ZNF211: variants seen among roughly 807,000 people sequenced by gnomAD.
ZNF211 encodes zinc finger protein 211, also known as zinc finger protein C2H2-25.
A neutral mutation model predicts 12.1 loss-of-function variants in ZNF211; 18 were observed. The ratio of observed to expected loss-of-function variants is 1.48; its 90% confidence interval spans 1.03 to 2.20. The LOEUF is 2.20. ZNF211 is among the 30% of genes most tolerant of loss of function. The probability of loss-of-function intolerance (pLI) is 0.00; values close to 1 mark genes in which losing one functional copy is unlikely to be tolerated. For missense variants in ZNF211, 677 were observed against 703.1 expected, an observed-to-expected ratio of 0.96 and a Z score of 0.42; for synonymous variants, 249 against 246.0, an observed-to-expected ratio of 1.01 and a Z score of -0.11.
chr19:57,639,777 C>A, intron 3 of ZNF211: 1 of 973,400 alleles, frequency 1.0e-6, no homozygotes, highest in Non-Finnish European at 1.5e-6. Context: ...ATGGGGATTA[C>A]ATTTAACATC....
chr19:57,640,852 T>G lies in ZNF211; in HGVS notation c.405T>G (p.Ile135Met). The change falls in exon 4 of 4, where the codon ATT (isoleucine) becomes ATG (methionine). Residue 135 changes from isoleucine (I) to methionine (M), a missense_variant. By Grantham distance (10) the Ile-to-Met change is conservative. Transcript: ENST00000240731. Reference protein sequence around the residue: ...CEICCLVLRDILHLAEHQGTN... With the variant: ...CEICCLVLRDMLHLAEHQGTN... ...TATGTTGCCTGGTCTTGAGAGATAT[T>G]TTGCACTTGGCTGAACACCAAGGAA... 1.2e-6 allele frequency: 2 copies of G among 1,614,206 alleles called. No homozygotes were observed. Among genetic ancestry groups the G allele is most frequent in the Non-Finnish European group, 1.7e-6 (2 of 1,180,034 alleles).
At position 57,642,304 on chromosome 19, in the gene ZNF211, T is replaced by G. The variant is rs1286653784; in HGVS notation, c.*123T>G. The G allele has an allele frequency of 8.9e-7, 1 of 1,121,926 alleles. No individual in the cohort carries two copies. The highest frequency in any genetic ancestry group is 1.3e-6 in the Non-Finnish European group (1 of 798,456). The allele number at this position is 1,121,926 out of a possible 1,614,324, so 69.5% of individuals were successfully genotyped here. A position where few individuals can be genotyped will look rare whatever the true frequency, so the allele number is the denominator to read the frequency against. ...AGGATATACAGTGGGCGGATTCCCCTTAAGTTCCAGGTATGTGTTACACTT... is the reference window on the plus strand; with the variant it reads ...AGGATATACAGTGGGCGGATTCCCCGTAAGTTCCAGGTATGTGTTACACTT... On this transcript the variant is annotated 3_prime_UTR_variant, in exon 4 of 4. Coordinates refer to ENST00000240731, the MANE Select transcript of ZNF211 (RefSeq NM_006385.5).
In ZNF211 at chr19:57,641,339, T is replaced by G; in HGVS notation, c.892T>G (p.Tyr298Asp). Residue 298 changes from tyrosine (Y) to aspartate (D), a missense_variant, in exon 4 of 4, where the codon TAT becomes GAT. Transcript: ENST00000240731. ...HQKVHSEERP[Y>D]ECNECGKFFT... is the part of the protein sequence containing the mutation. ...GAAAGTCCACAGTGAAGAAAGGCCT[T>G]ATGAATGCAATGAATGTGGAAAATT... The G allele has an allele frequency of 1.2e-6, 2 of 1,614,210 alleles. No individual in the cohort carries two copies. Among genetic ancestry groups the G allele is most frequent in the Non-Finnish European group, 1.7e-6 (2 of 1,180,044 alleles).
rs757056420 is a variant in ZNF211 at position 57,634,062 on chromosome 19, G to A, written c.129+1G>A. 42 of 1,569,312 alleles carry A rather than the reference G, an allele frequency of 2.7e-5. No individual in the cohort carries two copies. The highest frequency in any genetic ancestry group is 1.9e-5 in the Admixed American group (1 of 51,516). On this transcript the variant is annotated splice_donor_variant, in intron 2 of 3. Coordinates refer to ENST00000240731, the MANE Select transcript of ZNF211 (RefSeq NM_006385.5). LOFTEE classifies it high-confidence loss of function. ...AGAGGTGCTTTTCAAACTTACACAGGTAAGTGGAGGTATCTCAGCCCCTCA... is the reference window on the plus strand; with the variant it reads ...AGAGGTGCTTTTCAAACTTACACAGATAAGTGGAGGTATCTCAGCCCCTCA...
chr19:57,637,575 C>T (rs187894598), intron 3 of ZNF211, among the ~76,000 whole-genome samples: 1 of 152,216 alleles, frequency 6.6e-6, no homozygotes, highest in East Asian at 1.9e-4. Context: ...GTTGAACCAT[C>T]CTTGCATTCC....
In ZNF211 at chr19:57,641,965, A is replaced by C; in HGVS notation, c.1518A>C (p.Lys506Asn). Reference protein sequence around the residue: ...CSECSKSFSCKSNLIKHLRVH... With the variant: ...CSECSKSFSCNSNLIKHLRVH... ...AATGTAGCAAATCCTTTAGCTGTAA[A>C]TCTAACCTCATTAAACACCTGAGAG... Residue 506 changes from lysine (K) to asparagine (N), a missense_variant, in exon 4 of 4, where the codon AAA becomes AAC. Transcript: ENST00000240731. The C allele has an allele frequency of 6.2e-7, 1 of 1,612,902 alleles. No individual in the cohort carries two copies. Among genetic ancestry groups the C allele is most frequent in the Non-Finnish European group, 8.5e-7 (1 of 1,179,666 alleles).
chr19:57,635,964 T>C (rs563191429), intron 3 of ZNF211, among the ~76,000 whole-genome samples: 1 of 152,350 alleles, frequency 6.6e-6, no homozygotes, highest in East Asian at 1.9e-4. Flanking sequence ...TGGTTGTGAT[T>C]TGCAGATTAC....
rs1021098396 is a variant in ZNF211, at chr19:57,639,571, G to A, written c.257-1133G>A. Among the ~76,000 whole-genome samples, 51 of 149,728 alleles carry A rather than the reference G, an allele frequency of 3.4e-4. 1 individual carries two copies. Among genetic ancestry groups the A allele is most frequent in the African/African-American group, 1.1e-3 (44 of 40,646 alleles). The stretch of plus-strand genomic sequence containing the variant: ...AGTAATCCCTCCTGGGATTACAAAC[G>A]CACACCACCACACCCAGCTAATTTT... On this transcript the variant is annotated intron_variant, in intron 3 of 3. Transcript: ENST00000240731.
chr19:57,637,739 A>G (rs970250473), intron 3 of ZNF211, among the ~76,000 whole-genome samples: 9 of 152,264 alleles, frequency 5.9e-5, no homozygotes, highest in South Asian at 2.1e-4. Flanking sequence ...GTCATTTGGA[A>G]TCAGGGTAAT....
At chr19:57,640,254 C>T (rs1982717707) in intron 3 of ZNF211, among the ~76,000 whole-genome samples, 1 of 152,196 alleles carries the variant, frequency 6.6e-6, no homozygotes, top group African/African-American at 2.4e-5. Flanking sequence ...ACTCCTTATC[C>T]TACCTGTTCT....
intron 3 of ZNF211, chr19:57,640,119 C>T: frequency 6.7e-7 from 1 of 1,502,966 alleles, no homozygotes; most frequent in Non-Finnish European, 8.9e-7. Context: ...TGTCTTGATG[C>T]CATTGCCAGA....
chr19:57,634,276 G>A (rs1981861741), intron 2 of ZNF211: 1 of 526,352 alleles, frequency 1.9e-6, no homozygotes, highest in South Asian at 4.3e-5. Context: ...GAAAATTTAT[G>A]ATAGAAACAG....
rs1469170943 is a variant in ZNF211, at chr19:57,639,832, CT to C, written c.257-869del. The C allele has an allele frequency of 2.9e-6, 4 of 1,374,948 alleles. No homozygotes were observed. In the African/African-American group the frequency reaches 5.8e-5, roughly 20 times the overall value. 85.2% of individuals were successfully genotyped at this position (1,374,948 alleles called of 1,614,324 possible). On this transcript the variant is annotated intron_variant, in intron 3 of 3. Coordinates refer to ENST00000240731, the MANE Select transcript of ZNF211 (RefSeq NM_006385.5). ...ACTTGAATTTATACAAACTTAACTT[CT>C]TTAACTTTCCTTGTTCTTTTTTGTG...
rs55696059 is a variant in ZNF211 at position 57,639,408 on chromosome 19, C to CTTTTTTTTTTTTTTTTTTTTTTT, written c.257-1287_257-1265dup. ...CTTCCCTTGTCATTTCCTTTATGTA[C>CTTTTTTTTTTTTTTTTTTTTTTT]TTTTTTTTTTTTTTTTTTTTTTTTT... On this transcript the variant is annotated intron_variant, in intron 3 of 3. Transcript: ENST00000240731. Among the ~76,000 whole-genome samples, 4 of 20,758 alleles carry CTTTTTTTTTTTTTTTTTTTTTTT rather than the reference C, an allele frequency of 1.9e-4. 1 individual carries two copies. The highest frequency in any genetic ancestry group is 6.3e-4 in the African/African-American group (3 of 4,736). The allele number at this position is 20,758 out of a possible 152,430, so 13.6% of individuals were successfully genotyped here.
chr19:57,633,219 A>C lies in ZNF211; in HGVS notation c.-128A>C. On this transcript the variant is annotated 5_prime_UTR_variant, in exon 1 of 4. Coordinates refer to ENST00000240731, the MANE Select transcript of ZNF211 (RefSeq NM_006385.5). ...GCGGTCATTTTGGCTGCCCTCCCGG[A>C]GGTCCGTTCTGTCTGTCAGCCGCTT... 1.1e-6 allele frequency: 1 copy of C among 929,492 alleles called. No homozygotes were observed. The highest frequency in any genetic ancestry group is 1.5e-6 in the Non-Finnish European group (1 of 660,946). 57.6% of individuals were successfully genotyped at this position (929,492 alleles called of 1,614,324 possible). A position where few individuals can be genotyped will look rare whatever the true frequency, so the allele number is the denominator to read the frequency against.
intron 3 of ZNF211, chr19:57,635,026 A>G (rs1037706287): frequency 4.3e-6 from 4 of 934,128 alleles, no homozygotes; most frequent in Non-Finnish European, 5.1e-6. Flanking sequence ...TTCTAGATCT[A>G]TGGCACCCAG....
chr19:57,634,474 C>T (rs1219757800), intron 2 of ZNF211, among the ~76,000 whole-genome samples, 155 bp from the exon 3 acceptor site: 1 of 152,126 alleles, frequency 6.6e-6, no homozygotes, highest in Non-Finnish European at 1.5e-5. Context: ...AACACAGTGA[C>T]TAATGGGAAT....
At position 57,642,007 on chromosome 19, in the gene ZNF211, G is replaced by T; in HGVS notation, c.1560G>T (p.Arg520Ser). Reference sequence around the variant, plus strand: ...ACCTGAGAGTTCACACTGGAGAAAGGCCTTATGAGTGCAGTGAATGTGGGA... The same window carrying T: ...ACCTGAGAGTTCACACTGGAGAAAGTCCTTATGAGTGCAGTGAATGTGGGA... The part of the protein sequence containing the change: ...IKHLRVHTGE[R>S]PYECSECGKS... The change falls in exon 4 of 4, where the codon AGG (arginine) becomes AGT (serine). Residue 520 changes from arginine to serine, a missense_variant. By Grantham distance (110) the Arg-to-Ser change is moderately radical. Transcript: ENST00000240731. 1 of 1,614,080 alleles carries T rather than the reference G, an allele frequency of 6.2e-7. No homozygotes were observed. The highest frequency in any genetic ancestry group is 8.5e-7 in the Non-Finnish European group (1 of 1,180,012).
chr19:57,640,609 A>G (rs1054767229), intron 3 of ZNF211, 95 bp from the exon 4 acceptor site: 1 of 1,488,104 alleles, frequency 6.7e-7, no homozygotes, highest in Non-Finnish European at 9.0e-7. Flanking sequence ...AGGCCCATAT[A>G]CTGGTTCTTT....
Sources: allele counts gnomAD v4.1 joint callset (sites outside exome capture counted in the v4.1 genomes callset), GRCh38; gene constraint gnomAD v4.1.1; transcripts MANE v1.5; gene names NCBI Gene and HGNC (gene_info 2026-07-23, HGNC 2026-07-21).